The following KCNC4 variants were observed in gnomAD, a reference collection of about 807,000 sequenced individuals.
KCNC4 encodes the protein voltage-gated potassium channel KCNC4.
Under a neutral mutation model 42.8 loss-of-function variants are expected in KCNC4, and 23 were observed. The ratio of observed to expected loss-of-function variants is 0.54; its 90% CI spans 0.39 to 0.76. KCNC4 has a LOEUF of 0.76. KCNC4 is among the 30% of genes least tolerant of loss of function. KCNC4 has a pLI of 0.00. For synonymous variants in KCNC4, 422 were observed against 393.5 expected, an observed-to-expected ratio of 1.07 and a Z score of -0.86; for missense variants, 751 against 898.2, an observed-to-expected ratio of 0.84 and a Z score of 2.10.
At chr1:110,228,044 G>A (rs2101030455) in intron 3 of KCNC4, among the ~76,000 whole-genome samples, 1 of 152,222 alleles carries the variant, frequency 6.6e-6, no homozygotes, top group Non-Finnish European at 1.5e-5. Flanking sequence ...TGGGAAACAG[G>A]CCCTGCTAAG....
intron 1 of KCNC4, among the ~76,000 whole-genome samples, chr1:110,278,079 C>T (rs555714203): frequency 1.3e-5 from 2 of 148,298 alleles, no homozygotes; most frequent in East Asian, 4.1e-4. Context: ...CCCAGGAGGT[C>T]GAGGCTGCTG....
chr1:110,259,711 G>A (rs1659393481), intron 1 of KCNC4, among the ~76,000 whole-genome samples: 2 of 152,062 alleles, frequency 1.3e-5, no homozygotes, highest in Admixed American at 1.3e-4. Flanking sequence ...GCAGGAGCTA[G>A]AAGGATCTGA....
intron 1 of KCNC4, among the ~76,000 whole-genome samples, chr1:110,264,852 C>T (rs1318826613): frequency 6.6e-6 from 1 of 152,146 alleles, no homozygotes; most frequent in Non-Finnish European, 1.5e-5. Context: ...GAGGCCAAGA[C>T]AGGCGGATGG....
chr1:110,256,668 G>C (rs1659337753), intron 1 of KCNC4: 1 of 152,644 alleles, frequency 6.6e-6, no homozygotes, highest in Non-Finnish European at 1.5e-5. Flanking sequence ...GCTCGCTCCA[G>C]GCCCGGTCAC....
At chr1:110,247,111 C>A (rs1362864056) in exon 4 of KCNC4, 1 of 151,974 alleles carries the variant, frequency 6.6e-6, no homozygotes, top group Non-Finnish European at 1.5e-5. Context: ...TAGTATTCCA[C>A]GTGTATGTGT....
Position 110,280,142 on chromosome 1 carries a change from A to G in KCNC4, n.31-2392A>G, listed in dbSNP as rs1659795616. Among the ~76,000 whole-genome samples, 2 of 152,050 alleles carry G rather than the reference A, an allele frequency of 1.3e-5. 1 individual carries two copies. Among genetic ancestry groups the G allele is most frequent in the South Asian group, 4.2e-4 (2 of 4,814 alleles). The stretch of plus-strand genomic sequence containing the variant: ...CCATCAGCTTTGTAAACATTGACCC[A>G]CTAGATGATCACAATAGGTTGGTTC... On this transcript the variant is annotated intron_variant and non_coding_transcript_variant, in intron 1 of 2. Coordinates refer to the KCNC4 transcript ENST00000412512.
intron 3 of KCNC4, among the ~76,000 whole-genome samples, chr1:110,226,690 G>A (rs774674391): frequency 2.0e-5 from 3 of 152,204 alleles, no homozygotes; most frequent in South Asian, 4.1e-4. Flanking sequence ...GCAGACTTCC[G>A]TCTGCAAGCA....
intron 1 of KCNC4, among the ~76,000 whole-genome samples, chr1:110,213,170 T>TAAAAA (rs760587471): frequency 0.22 from 11,393 of 50,738 alleles, 2,182 homozygotes; most frequent in Non-Finnish European, 0.29. Context: ...CTTCGACAGC[T>TAAAAA]AAAAAAAAAA....
At chr1:110,282,186 T>C (rs1659840553) in intron 1 of KCNC4, among the ~76,000 whole-genome samples, 3 of 152,186 alleles carry the variant, frequency 2.0e-5, no homozygotes, top group Admixed American at 2.0e-4. Flanking sequence ...CATTAAATGG[T>C]AAATTATCTC....
chr1:110,283,071 A>T (rs1659858073), exon 3 of KCNC4: 1 of 152,264 alleles, frequency 6.6e-6, no homozygotes, highest in South Asian at 2.1e-4. Context: ...CTGCATTAAG[A>T]CATGGTGGAA....
At chr1:110,251,541 C>G (rs1659251428), downstream of KCNC4, among the ~76,000 whole-genome samples, 1 of 152,212 alleles carries the variant, frequency 6.6e-6, no homozygotes, top group Non-Finnish European at 1.5e-5. Context: ...GTAAATAACT[C>G]AGTCTCAGAT....
exon 4 of KCNC4, chr1:110,246,658 C>T (rs988539032): frequency 6.6e-6 from 1 of 152,126 alleles, no homozygotes; most frequent in South Asian, 2.1e-4. Flanking sequence ...AATGTATGTA[C>T]TTTCCTGCTT....
rs541105415 is a variant in KCNC4, at chr1:110,233,058, G to C, written c.*86G>C. On this transcript the variant is annotated 3_prime_UTR_variant, in exon 4 of 4. Coordinates refer to ENST00000438661, the MANE Select transcript of KCNC4 (RefSeq NM_001039574.3). Reference sequence around the variant, plus strand: ...CTGGAACCCAGACAAGAATCTTTTCGCTGGGAAAGACTCAGATATCCTTGT... The same window carrying C: ...CTGGAACCCAGACAAGAATCTTTTCCCTGGGAAAGACTCAGATATCCTTGT... 1.9e-5 allele frequency: 29 copies of C among 1,487,844 alleles called. No individual in the cohort carries two copies. The highest frequency in any genetic ancestry group is 1.2e-5 in the South Asian group (1 of 83,042). The allele number at this position is 1,487,844 out of a possible 1,614,324, so 92.2% of individuals were successfully genotyped here. A position where few individuals can be genotyped will look rare whatever the true frequency, so the allele number is the denominator to read the frequency against.
rs1657463770 is a variant in KCNC4 at position 110,211,703 on chromosome 1, C to G, written c.204C>G (p.Pro68=). 2.5e-6 allele frequency: 4 copies of G among 1,609,260 alleles called. No homozygotes were observed. Among genetic ancestry groups the G allele is most frequent in the South Asian group, 2.2e-5 (2 of 90,766 alleles). ...PGTRLAWLAD[P]DGGGRPETDG... ...CCCGCCTCGCCTGGCTGGCCGACCC[C>G]GACGGCGGGGGCCGGCCCGAGACCG... Residue 68 remains proline, a synonymous_variant, in exon 1 of 4, where the codon CCC becomes CCG. Coordinates refer to ENST00000438661, the MANE Select transcript of KCNC4 (RefSeq NM_001039574.3). This position sits in a 1 kb window ranked among gnomAD's most constrained non-coding sequence, Gnocchi z 6.5.
At position 110,223,522 on chromosome 1, in the gene KCNC4, C is replaced by T. The variant is rs375468070; in HGVS notation, c.1237C>T (p.Arg413Trp). The T allele has an allele frequency of 2.1e-5, 34 of 1,613,802 alleles. No homozygotes were observed. The highest frequency in any genetic ancestry group is 4.0e-5 in the African/African-American group (3 of 74,930). ...ERIGARPSDP[R>W]GNDHTDFKNI... is the part of the protein sequence containing the mutation. Reference sequence around the variant, plus strand: ...CATTGGGGCCAGGCCCTCCGACCCTCGGGGTAATGACCACACCGACTTCAA... The same window carrying T: ...CATTGGGGCCAGGCCCTCCGACCCTTGGGGTAATGACCACACCGACTTCAA... Residue 413 changes from arginine to tryptophan, a missense_variant, in exon 2 of 4, where the codon CGG (arginine) becomes TGG (tryptophan). Coordinates refer to ENST00000438661, the MANE Select transcript of KCNC4 (RefSeq NM_001039574.3). This position sits in a 1 kb window ranked among gnomAD's most constrained non-coding sequence, Gnocchi z 7.5.
chr1:110,228,818 G>A (rs1165935881), intron 3 of KCNC4: 2 of 152,474 alleles, frequency 1.3e-5, no homozygotes, highest in African/African-American at 4.8e-5. Context: ...TCAGGACAGA[G>A]GAGAACTTAG....
chr1:110,245,106 C>T (rs1659116475), exon 4 of KCNC4: 1 of 152,216 alleles, frequency 6.6e-6, no homozygotes, highest in Admixed American at 6.5e-5. Context: ...GAACACAGCC[C>T]AGCCCACAGC....
At chr1:110,271,413 C>G (rs1359490318) in intron 1 of KCNC4, among the ~76,000 whole-genome samples, 1 of 152,036 alleles carries the variant, frequency 6.6e-6, no homozygotes, top group Non-Finnish European at 1.5e-5. Flanking sequence ...AACTGGAACC[C>G]AAGTCTCTGG....
chr1:110,258,968 GCATGCC>G (rs1271699184), intron 1 of KCNC4, among the ~76,000 whole-genome samples: 3 of 152,208 alleles, frequency 2.0e-5, no homozygotes, highest in African/African-American at 7.2e-5. Context: ...CTTCTGGGCT[GCATGCC>G]CATCTGGACT....
Sources: allele counts gnomAD v4.1 joint callset (sites outside exome capture counted in the v4.1 genomes callset), GRCh38; gene constraint gnomAD v4.1.1; non-coding constraint Gnocchi (gnomAD v3.1); transcripts MANE v1.5; gene names NCBI Gene and HGNC (gene_info 2026-07-23, HGNC 2026-07-21).